Variants in CDYL2 observed in about 807,000 individuals in gnomAD.
CDYL2 encodes chromodomain Y like 2, also known as chromodomain Y-like protein 2.
In CDYL2, 23 loss-of-function variants were observed where a neutral mutation model predicts 49.4. The observed-to-expected ratio is 0.47, with a 90% confidence interval of 0.34 to 0.66. The LOEUF (loss-of-function observed/expected upper bound fraction) is 0.66. CDYL2 is among the 30% of genes least tolerant of loss of function. The probability of loss-of-function intolerance (pLI) is 0.01; values close to 1 mark genes in which losing one functional copy is unlikely to be tolerated. For missense variants in CDYL2, 678 were observed against 656.4 expected, an observed-to-expected ratio of 1.03 and a Z score of -0.36; for synonymous variants, 360 against 268.8, an observed-to-expected ratio of 1.34 and a Z score of -3.32.
At chr16:80,714,620 A>C (rs1053202644) in intron 1 of CDYL2, among the ~76,000 whole-genome samples, 1 of 152,168 alleles carries the variant, frequency 6.6e-6, no homozygotes, top group African/African-American at 2.4e-5. Context: ...GGTCACCTCA[A>C]TAAAGCCAAT....
At chr16:80,690,866 A>C (rs950849800) in intron 1 of CDYL2, among the ~76,000 whole-genome samples, 1 of 152,198 alleles carries the variant, frequency 6.6e-6, no homozygotes, top group African/African-American at 2.4e-5. Flanking sequence ...ACTCATCACC[A>C]GTCATAATCC....
chr16:80,641,171 A>C (rs116533450), intron 2 of CDYL2, among the ~76,000 whole-genome samples: 1,584 of 152,298 alleles, frequency 0.01, 33 homozygotes, highest in African/African-American at 0.036. Context: ...TCAAACTCCC[A>C]AAGCTCAAGG....
At chr16:80,683,545 A>C (rs1215945343) in intron 2 of CDYL2, among the ~76,000 whole-genome samples, 1 of 149,024 alleles carries the variant, frequency 6.7e-6, no homozygotes, top group East Asian at 2.0e-4. Flanking sequence ...GCTGTGTTAG[A>C]GTAAGAGGCT....
At chr16:80,796,990 C>A (rs2142421890) in intron 1 of CDYL2, among the ~76,000 whole-genome samples, 1 of 152,242 alleles carries the variant, frequency 6.6e-6, no homozygotes, top group South Asian at 2.1e-4. Context: ...CCTTCCATAC[C>A]AGCAACACCT....
chr16:80,741,835 T>C (rs544756048), intron 1 of CDYL2, among the ~76,000 whole-genome samples: 12 of 152,354 alleles, frequency 7.9e-5, no homozygotes, highest in Non-Finnish European at 1.6e-4. Flanking sequence ...GCTGTTAATG[T>C]TGGACTAATT....
intron 1 of CDYL2, among the ~76,000 whole-genome samples, chr16:80,729,224 C>A (rs1451767685): frequency 6.6e-6 from 1 of 152,124 alleles, no homozygotes; most frequent in Non-Finnish European, 1.5e-5. Context: ...TGCAGAGACA[C>A]ACATAGGCTC....
At chr16:80,720,527 G>T (rs184914804) in intron 1 of CDYL2, among the ~76,000 whole-genome samples, 6 of 152,226 alleles carry the variant, frequency 3.9e-5, no homozygotes, top group African/African-American at 7.2e-5. Context: ...ACAGAGCAAG[G>T]ACACTGTTCT....
intron 3 of CDYL2, among the ~76,000 whole-genome samples, chr16:80,632,013 C>T (rs1907586511): frequency 6.6e-6 from 1 of 152,082 alleles, no homozygotes; most frequent in African/African-American, 2.4e-5. Flanking sequence ...AGCAATATGA[C>T]CCAGCAATTC....
At chr16:80,716,884 T>A (rs1423468193) in intron 1 of CDYL2, among the ~76,000 whole-genome samples, 2 of 151,726 alleles carry the variant, frequency 1.3e-5, no homozygotes, top group Admixed American at 6.6e-5. Flanking sequence ...GATGACTGGA[T>A]GGATGGATGG....
At chr16:80,722,328 T>G (rs1365919629) in intron 1 of CDYL2, among the ~76,000 whole-genome samples, 1 of 152,154 alleles carries the variant, frequency 6.6e-6, no homozygotes, top group African/African-American at 2.4e-5. Context: ...ACTAGGTGAT[T>G]CTATTATTCA....
intron 3 of CDYL2, among the ~76,000 whole-genome samples, chr16:80,623,906 C>A (rs1456963896): frequency 6.6e-6 from 1 of 152,060 alleles, no homozygotes. Context: ...TCTGTGATGC[C>A]CAGGGGAAAG....
Position 80,614,086 on chromosome 16 carries a change from G to A in CDYL2, c.1008-1250C>T, listed in dbSNP as rs192947597. Among the ~76,000 whole-genome samples the A allele has an allele frequency of 2.8e-4, 42 of 152,324 alleles. 1 individual carries two copies. Among genetic ancestry groups the A allele is most frequent in the Admixed American group, 2.7e-3 (41 of 15,304 alleles). Reference sequence around the variant, plus strand: ...CACCCAGAGGTCTGCCTGGGGCACCGCTTGGCTTCCATCAATATTGGAATT... The same window carrying A: ...CACCCAGAGGTCTGCCTGGGGCACCACTTGGCTTCCATCAATATTGGAATT... On this transcript the variant is annotated intron_variant, in intron 4 of 6. Transcript: ENST00000570137.
chr16:80,804,228 C>T lies in CDYL2; in HGVS notation c.-55G>A, dbSNP rs574322904. On this transcript the variant is annotated 5_prime_UTR_variant, in exon 1 of 7. Coordinates refer to ENST00000570137, the MANE Select transcript of CDYL2 (RefSeq NM_152342.4). ...TGCGCGTCTGCTCGCTCGCGCCCTCCGTGCGTGTGCGCGCGGGGTCCGGTG... is the reference window on the plus strand; with the variant it reads ...TGCGCGTCTGCTCGCTCGCGCCCTCTGTGCGTGTGCGCGCGGGGTCCGGTG... 18 of 1,324,582 alleles carry T rather than the reference C, an allele frequency of 1.4e-5. No homozygotes were observed. In the South Asian group the frequency reaches 1.7e-4, roughly 13 times the overall value. 82.1% of individuals were successfully genotyped at this position (1,324,582 alleles called of 1,614,324 possible).
chr16:80,665,219 G>C (rs1407363933), intron 2 of CDYL2, among the ~76,000 whole-genome samples: 1 of 151,988 alleles, frequency 6.6e-6, no homozygotes, highest in Non-Finnish European at 1.5e-5. Context: ...TCTCCTCTTT[G>C]CCTGATCAAG....
chr16:80,621,362 A>T (rs1907076246), intron 3 of CDYL2, among the ~76,000 whole-genome samples: 1 of 152,224 alleles, frequency 6.6e-6, no homozygotes, highest in African/African-American at 2.4e-5. Context: ...ATTATTATAC[A>T]TCCTTGCTCA....
chr16:80,606,581 G>GA (rs1326166122), intron 6 of CDYL2, among the ~76,000 whole-genome samples: 1 of 152,142 alleles, frequency 6.6e-6, no homozygotes, highest in Non-Finnish European at 1.5e-5. Context: ...CCTCTGCTTA[G>GA]AATTTCTACC....
intron 1 of CDYL2, among the ~76,000 whole-genome samples, chr16:80,777,418 T>C (rs1226738728): frequency 1.3e-5 from 2 of 150,828 alleles, no homozygotes; most frequent in East Asian, 1.9e-4. Flanking sequence ...AATGGGAAAA[T>C]AAAGCTAAAA....
chr16:80,752,505 C>G (rs373855081), intron 1 of CDYL2, among the ~76,000 whole-genome samples: 2 of 151,990 alleles, frequency 1.3e-5, no homozygotes, highest in African/African-American at 4.8e-5. Context: ...CTGAAAAGTA[C>G]CCAGATAAGA....
chr16:80,705,450 C>T (rs1164682109), intron 1 of CDYL2, among the ~76,000 whole-genome samples: 1 of 152,224 alleles, frequency 6.6e-6, no homozygotes, highest in East Asian at 1.9e-4. Flanking sequence ...CTGCTTCCTT[C>T]TAGGGAGCCC....
Sources: allele counts gnomAD v4.1 joint callset (sites outside exome capture counted in the v4.1 genomes callset), GRCh38; gene constraint gnomAD v4.1.1; transcripts MANE v1.5; gene names NCBI Gene and HGNC (gene_info 2026-07-23, HGNC 2026-07-21).